Variants in KLC1 observed in about 807,000 individuals in gnomAD.
The protein encoded by KLC1 is kinesin 2 60/70kDa.
KLC1 carries 30 observed loss-of-function variants against 84.2 expected under a neutral mutation model. The observed-to-expected ratio is 0.36, with a 90% confidence interval of 0.27 to 0.48. The LOEUF is 0.48. Among genes scored for constraint, KLC1 ranks in the 20% least tolerant of loss-of-function variants. KLC1 has a pLI of 0.99. For synonymous variants in KLC1, 289 were observed against 293.3 expected (o/e 0.99, Z 0.15); for missense variants, 499 against 805.4 (o/e 0.62, Z 4.60).
At chr14:103,695,547 G>C (rs1019635054) in intron 15 of KLC1, 74 of 985,238 alleles carry the variant, frequency 7.5e-5, no homozygotes, top group Non-Finnish European at 8.9e-5. Flanking sequence ...CCTTCTCCCT[G>C]TGAGGATGCT....
intron 1 of KLC1, among the ~76,000 whole-genome samples, chr14:103,645,132 C>T (rs902949623): frequency 6.6e-6 from 1 of 152,148 alleles, no homozygotes; most frequent in African/African-American, 2.4e-5. Flanking sequence ...TGCCACCACA[C>T]CTGGCTAATT....
rs116461531 is a variant in KLC1 at position 103,635,343 on chromosome 14, A to C, written c.-2+5849A>C. ...GTTCCAGAGAAAATAGGTACTGTAA[A>C]CCCTGCGGATGTCATATGTGTCTGT... On this transcript the variant is annotated intron_variant, in intron 1 of 16. Coordinates refer to ENST00000334553, the MANE Select transcript of KLC1 (RefSeq NM_001394837.1). Among the ~76,000 whole-genome samples, 529 of 152,266 alleles carry C rather than the reference A, an allele frequency of 3.5e-3. 4 individuals carry two copies. Among genetic ancestry groups the C allele is most frequent in the African/African-American group, 0.012 (504 of 41,554 alleles).
chr14:103,657,514 C>T (rs1420168154), intron 2 of KLC1, 32 bp from the exon 3 acceptor site: 2 of 1,569,624 alleles, frequency 1.3e-6, no homozygotes, highest in Non-Finnish European at 8.8e-7. Context: ...GGACAACGTG[C>T]CACAGTGCTG....
chr14:103,648,873 A>G (rs1322305511), intron 1 of KLC1, among the ~76,000 whole-genome samples: 1 of 152,218 alleles, frequency 6.6e-6, no homozygotes, highest in Non-Finnish European at 1.5e-5. Flanking sequence ...GCAGTGGCTC[A>G]TGCCTGTAAT....
intron 15 of KLC1, chr14:103,699,197 A>G (rs1340817089): frequency 6.4e-7 from 1 of 1,555,722 alleles, no homozygotes; most frequent in South Asian, 1.2e-5. Flanking sequence ...AGCACAGTCC[A>G]GGTCAGCTGC....
intron 9 of KLC1, among the ~76,000 whole-genome samples, chr14:103,674,912 G>A (rs1281648742): frequency 2.6e-5 from 4 of 152,184 alleles, no homozygotes; most frequent in African/African-American, 9.7e-5. Flanking sequence ...TCAGGACATT[G>A]ATTCTGTACC....
chr14:103,701,192 C>G lies in KLC1; in HGVS notation c.*2-9C>G. 1.3e-6 allele frequency: 2 copies of G among 1,550,974 alleles called. No homozygotes were observed. Among genetic ancestry groups the G allele is most frequent in the South Asian group, 1.2e-5 (1 of 84,010 alleles). On this transcript the variant is annotated splice_polypyrimidine_tract_variant and intron_variant, in intron 16 of 16. Transcript: ENST00000334553. ...CGGCCCAGCCCTGACCTTCTATCTT[C>G]TCTTGCAGTGACCCCGACCTGGCCC...
chr14:103,696,069 G>A, intron 15 of KLC1: 1 of 979,064 alleles, frequency 1.0e-6, no homozygotes, highest in Non-Finnish European at 1.2e-6. Flanking sequence ...TTTCTTCAGA[G>A]TTGCTGTCAA....
intron 14 of KLC1, chr14:103,687,591 A>C (rs1197561556): frequency 6.5e-6 from 1 of 153,980 alleles, no homozygotes; most frequent in Non-Finnish European, 1.4e-5. Flanking sequence ...AATTCTTTAA[A>C]AATTTTAATC....
chr14:103,672,594 G>A (rs1308522152), intron 7 of KLC1, among the ~76,000 whole-genome samples: 1 of 152,256 alleles, frequency 6.6e-6, no homozygotes, highest in East Asian at 1.9e-4. Flanking sequence ...AGCTAGTAGG[G>A]AGGGCTAGGA....
At chr14:103,690,930 G>C (rs1415797970) in intron 14 of KLC1, among the ~76,000 whole-genome samples, 2 of 152,102 alleles carry the variant, frequency 1.3e-5, no homozygotes, top group East Asian at 3.9e-4. Context: ...GAAAAATACT[G>C]GCTTCAGAGT....
At chr14:103,656,907 T>C (rs1006038536) in intron 2 of KLC1, among the ~76,000 whole-genome samples, 1 of 152,242 alleles carries the variant, frequency 6.6e-6, no homozygotes, top group African/African-American at 2.4e-5. Flanking sequence ...TGTGCTCTTA[T>C]GCTCCTAGGA....
At chr14:103,695,198 G>C in intron 15 of KLC1, 1 of 831,904 alleles carries the variant, frequency 1.2e-6, no homozygotes, top group Non-Finnish European at 1.4e-6. Flanking sequence ...GTTCATGCCA[G>C]TAATCCTATA....
At chr14:103,669,432 TAAAAA>T in intron 5 of KLC1, 74 bp from the exon 6 acceptor site, 1 of 824,414 alleles carries the variant, frequency 1.2e-6, no homozygotes, top group East Asian at 2.8e-5. Flanking sequence ...AGACTCTGTC[TAAAAA>T]AAAAGAAAAG....
intron 1 of KLC1, among the ~76,000 whole-genome samples, chr14:103,635,530 G>A (rs1422120211): frequency 1.3e-5 from 2 of 152,094 alleles, no homozygotes; most frequent in Non-Finnish European, 2.9e-5. Flanking sequence ...GAGGAGGGCG[G>A]ATCACCTGAG....
At chr14:103,698,788 C>T (rs768944628) in intron 15 of KLC1, 19 of 1,583,862 alleles carry the variant, frequency 1.2e-5, no homozygotes, top group African/African-American at 8.1e-5. Context: ...GTTGTGCAGC[C>T]GCCACCGTGT....
intron 5 of KLC1, among the ~76,000 whole-genome samples, chr14:103,666,352 C>G (rs370343057): frequency 6.6e-6 from 1 of 151,804 alleles, no homozygotes; most frequent in Non-Finnish European, 1.5e-5. Flanking sequence ...CATGAGCCAC[C>G]GTGCCCGGCC....
intron 1 of KLC1, among the ~76,000 whole-genome samples, chr14:103,653,694 G>GT (rs1401136425): frequency 2.0e-5 from 3 of 152,198 alleles, no homozygotes; most frequent in Non-Finnish European, 4.4e-5. Context: ...ATTTTAGACA[G>GT]TGGCAGTGCT....
chr14:103,696,285 CA>C lies in KLC1; in HGVS notation c.1848+3861del, dbSNP rs367763161. 4.2e-5 allele frequency: 41 copies of C among 985,400 alleles called. No individual in the cohort carries two copies. In the East Asian group the frequency reaches 4.3e-3, roughly 104 times the overall value. The allele number at this position is 985,400 out of a possible 1,614,324, so 61.0% of individuals were successfully genotyped here. ...CCTGAAGCAGCAGCAGTGTGTGGCT[CA>C]GGGGTCCTCAGAGGCCGGTGGTGCC... On this transcript the variant is annotated intron_variant, in intron 15 of 16. Transcript: ENST00000334553.
Sources: gnomAD v4.1 joint callset for allele counts (sites outside exome capture counted in the v4.1 genomes callset) on GRCh38, gnomAD v4.1.1 for gene constraint, MANE v1.5 for transcripts, NCBI Gene and HGNC (gene_info 2026-07-23, HGNC 2026-07-21) for gene names.